The following PTPRU variants were observed in gnomAD, a reference collection of about 807,000 sequenced individuals.
PTPRU encodes the protein receptor-type tyrosine-protein phosphatase U.
A neutral mutation model predicts 166.3 loss-of-function variants in PTPRU; 69 were observed. The observed-to-expected ratio is 0.41, with a 90% CI of 0.34 to 0.51. The LOEUF (loss-of-function observed/expected upper bound fraction) is 0.51. PTPRU is among the 20% of genes least tolerant of loss of function. PTPRU has a pLI of 0.09. For missense variants in PTPRU, 1,657 were observed against 2,013.7 expected (o/e 0.82, Z 3.39); for synonymous variants, 793 against 814.0 (o/e 0.97, Z 0.44).
intron 14 of PTPRU, among the ~76,000 whole-genome samples, chr1:29,289,253 T>A (rs1296633724): frequency 1.3e-5 from 2 of 152,010 alleles, no homozygotes; most frequent in African/African-American, 4.8e-5. Flanking sequence ...TATGTCTAAG[T>A]GAGTGTGTGT....
At chr1:29,312,023 C>T (rs1687688041) in intron 21 of PTPRU, among the ~76,000 whole-genome samples, 1 of 152,166 alleles carries the variant, frequency 6.6e-6, no homozygotes, top group South Asian at 2.1e-4. Flanking sequence ...CTGTGCTGAG[C>T]CTGTTATAAA....
intron 1 of PTPRU, among the ~76,000 whole-genome samples, chr1:29,243,045 G>A (rs1194039000): frequency 6.6e-6 from 1 of 152,008 alleles, no homozygotes; most frequent in Non-Finnish European, 1.5e-5. Flanking sequence ...CTACAGGCGC[G>A]TGCCACCACG....
intron 15 of PTPRU, among the ~76,000 whole-genome samples, chr1:29,292,735 T>C (rs759864317): frequency 6.6e-6 from 1 of 151,946 alleles, no homozygotes; most frequent in Non-Finnish European, 1.5e-5. Context: ...ATTGGTGAAT[T>C]AGAACATTAT....
At position 29,260,444 on chromosome 1, in the gene PTPRU, C is replaced by T; in HGVS notation, c.851-166C>T. On this transcript the variant is annotated intron_variant, in intron 6 of 29. Transcript: ENST00000373779. This position sits in a 1 kb window ranked among gnomAD's most constrained non-coding sequence, Gnocchi z 8.3. Reference sequence around the variant, plus strand: ...TTTGGAGCCAGGTGCCCCTTAGGGCCCGGGATTTAGTGGGGGTAGGAGAGC... The same window carrying T: ...TTTGGAGCCAGGTGCCCCTTAGGGCTCGGGATTTAGTGGGGGTAGGAGAGC... Among the ~76,000 whole-genome samples the T allele has an allele frequency of 6.6e-6, 1 of 151,856 alleles. No individual in the cohort carries two copies. The highest frequency in any genetic ancestry group is 2.4e-5 in the African/African-American group (1 of 41,350).
At chr1:29,241,377 G>A (rs1397347233) in intron 1 of PTPRU, among the ~76,000 whole-genome samples, 1 of 151,992 alleles carries the variant, frequency 6.6e-6, no homozygotes, top group Admixed American at 6.6e-5. Context: ...CAGGTTAGTG[G>A]GTATTTATAA....
chr1:29,254,022 A>G (rs1211171637), intron 1 of PTPRU, among the ~76,000 whole-genome samples: 2 of 152,198 alleles, frequency 1.3e-5, no homozygotes, highest in African/African-American at 4.8e-5. Context: ...CTGTGATGCC[A>G]AAGCCCACTC....
rs1688379562 is a variant in PTPRU, at chr1:29,325,627, C to G, written c.4277C>G (p.Ala1426Gly). The G allele has an allele frequency of 6.2e-7, 1 of 1,612,368 alleles. No individual in the cohort carries two copies. The highest frequency in any genetic ancestry group is 8.5e-7 in the Non-Finnish European group (1 of 1,178,958). The change falls in exon 30 of 30, where the codon GCC becomes GGC. Residue 1426 changes from alanine to glycine, a missense_variant. By Grantham distance (60) the Ala-to-Gly change is moderately conservative. This residue lies in a region of PTPRU where 1,190 missense variants were observed against 1,477.4 expected (regional missense o/e 0.81). Transcript: ENST00000373779. ...MDQYHFCYDV[A>G]LEYLEGLESR ...CAGTACCACTTTTGCTACGATGTGGCCCTGGAGTACTTGGAGGGGCTGGAG... is the reference window on the plus strand; with the variant it reads ...CAGTACCACTTTTGCTACGATGTGGGCCTGGAGTACTTGGAGGGGCTGGAG...
chr1:29,238,562 A>G lies in PTPRU; in HGVS notation c.73+1845A>G, dbSNP rs868393932. Among the ~76,000 whole-genome samples, 175 of 152,246 alleles carry G rather than the reference A, an allele frequency of 1.1e-3. 2 individuals are homozygous for G. The highest frequency in any genetic ancestry group is 6.8e-3 in the Middle Eastern group (2 of 294). On this transcript the variant is annotated intron_variant, in intron 1 of 29. Transcript: ENST00000373779. This position sits in a 1 kb window ranked among gnomAD's most constrained non-coding sequence, Gnocchi z 6.1. ...CTCGGGCCGGAACTCCTGTGGCTCC[A>G]GCGTTCGCGCCGGCCACTGGCCAGC...
intron 15 of PTPRU, among the ~76,000 whole-genome samples, chr1:29,298,157 C>G (rs975219762): frequency 2.0e-5 from 3 of 151,808 alleles, no homozygotes; most frequent in African/African-American, 7.3e-5. Flanking sequence ...ACTTGGGAGG[C>G]TGAGGCACAA....
At position 29,315,896 on chromosome 1, in the gene PTPRU, C is replaced by T. The variant is rs1367341959; in HGVS notation, c.3364-106C>T. 7.2e-6 allele frequency: 10 copies of T among 1,391,078 alleles called. No individual in the cohort carries two copies. The highest frequency in any genetic ancestry group is 1.4e-5 in the African/African-American group (1 of 69,902). 86.2% of individuals were successfully genotyped at this position (1,391,078 alleles called of 1,614,324 possible). A position where few individuals can be genotyped will look rare whatever the true frequency, so the allele number is the denominator to read the frequency against. ...CAGCCTGTAGTAACATGGTTGGCCT[C>T]CACCTCAGGACACCCTGCTTCAACC... On this transcript the variant is annotated intron_variant, in intron 23 of 29. Coordinates refer to ENST00000373779, the MANE Select transcript of PTPRU (RefSeq NM_133178.4). This position sits in a 1 kb window ranked among gnomAD's most constrained non-coding sequence, Gnocchi z 4.5.
Position 29,279,178 on chromosome 1 carries a change from T to C in PTPRU, c.1563+57T>C. 7.2e-7 allele frequency: 1 copy of C among 1,381,560 alleles called. No individual in the cohort carries two copies. Among genetic ancestry groups the C allele is most frequent in the Non-Finnish European group, 1.0e-6 (1 of 993,906 alleles). 85.6% of individuals were successfully genotyped at this position (1,381,560 alleles called of 1,614,324 possible). ...CCTGGTGGAAGGTGAGAGGTGGCCCTCTTTCTCTCTGCTGCTACAGTAGGA... is the reference window on the plus strand; with the variant it reads ...CCTGGTGGAAGGTGAGAGGTGGCCCCCTTTCTCTCTGCTGCTACAGTAGGA... On this transcript the variant is annotated intron_variant, in intron 9 of 29. Transcript: ENST00000373779. This position sits in a 1 kb window ranked among gnomAD's most constrained non-coding sequence, Gnocchi z 5.2.
rs1197340600 is a variant in PTPRU at position 29,264,508 on chromosome 1, C to CTT, written c.1144+3618_1144+3619dup. ...TGTGAGGTAGGGATCCAACCTCATT[C>CTT]TTTTTTTTTTTTTTGAGACAGAGTT... On this transcript the variant is annotated intron_variant, in intron 7 of 29. Transcript: ENST00000373779. 8.0e-3 allele frequency among the ~76,000 whole-genome samples: 1,127 copies of CTT among 140,954 alleles called. 17 individuals carry two copies. Among genetic ancestry groups the CTT allele is most frequent in the African/African-American group, 0.028 (1,068 of 38,640 alleles). The allele number at this position is 140,954 out of a possible 152,430, so 92.5% of individuals were successfully genotyped here. A position where few individuals can be genotyped will look rare whatever the true frequency, so the allele number is the denominator to read the frequency against.
At chr1:29,243,580 A>G (rs1404370159) in intron 1 of PTPRU, among the ~76,000 whole-genome samples, 1 of 152,168 alleles carries the variant, frequency 6.6e-6, no homozygotes, top group Non-Finnish European at 1.5e-5. Flanking sequence ...GTTCAGCTCC[A>G]TTGTCACTGA....
At chr1:29,307,517 C>T (rs1445244896) in intron 18 of PTPRU, among the ~76,000 whole-genome samples, 2 of 152,234 alleles carry the variant, frequency 1.3e-5, no homozygotes, top group Admixed American at 6.5e-5. Context: ...TTCTACAGGA[C>T]CCTTTGGAGG....
chr1:29,245,860 G>A (rs1180303897), intron 1 of PTPRU, among the ~76,000 whole-genome samples: 4 of 152,216 alleles, frequency 2.6e-5, no homozygotes, highest in Non-Finnish European at 4.4e-5. Context: ...GTGTCATAGA[G>A]CATTTATATT....
intron 28 of PTPRU, 37 bp downstream of exon 28, chr1:29,323,825 T>C (rs370610675): frequency 1.9e-6 from 3 of 1,608,682 alleles, no homozygotes; most frequent in Admixed American, 1.7e-5. Flanking sequence ...GGTGGAGGGG[T>C]TGGGGAGCCA....
chr1:29,240,959 C>T (rs1003331209), intron 1 of PTPRU, among the ~76,000 whole-genome samples: 1 of 152,036 alleles, frequency 6.6e-6, no homozygotes, highest in Non-Finnish European at 1.5e-5. Context: ...CCCGTGGTGG[C>T]CCTGGCAGAT....
chr1:29,287,948 G>A (rs1686436143), intron 14 of PTPRU, among the ~76,000 whole-genome samples: 1 of 151,964 alleles, frequency 6.6e-6, no homozygotes, highest in Admixed American at 6.6e-5. Context: ...TGAGTAGCTG[G>A]GATTACAGGC....
At chr1:29,263,156 C>T (rs762920148) in intron 7 of PTPRU, among the ~76,000 whole-genome samples, 10 of 152,136 alleles carry the variant, frequency 6.6e-5, no homozygotes, top group South Asian at 2.1e-4. Context: ...GGCTAATTTT[C>T]GTATTTTTAG....
Sources: gnomAD v4.1 joint callset for allele counts (sites outside exome capture counted in the v4.1 genomes callset) on GRCh38, gnomAD v4.1.1 for gene constraint, gnomAD v4.1.1 regional missense constraint, Gnocchi (gnomAD v3.1) non-coding constraint, MANE v1.5 for transcripts, NCBI Gene and HGNC (gene_info 2026-07-23, HGNC 2026-07-21) for gene names.